OFD1: variants seen among roughly 807,000 people sequenced by gnomAD.
OFD1 encodes centriole and centriolar satellite protein OFD1.
OFD1 carries 12 observed loss-of-function variants against 81.4 expected under a neutral mutation model. That is an observed-to-expected ratio of 0.15 (90% CI 0.09 to 0.24). The LOEUF is 0.24. Among genes scored for constraint, OFD1 ranks in the 10% least tolerant of loss-of-function variants. OFD1 has a pLI of 1.00. For synonymous variants in OFD1, 256 were observed against 263.7 expected, an observed-to-expected ratio of 0.97 and a Z score of 0.28; for missense variants, 685 against 733.9, an observed-to-expected ratio of 0.93 and a Z score of 0.77.
intron 9 of OFD1, among the ~76,000 whole-genome samples, chrX:13,750,298 T>TAGTA (rs1174620550): frequency 1.8e-5 from 2 of 112,183 alleles, no homozygotes; most frequent in East Asian, 5.6e-4. Flanking sequence ...ATCATTCCTT[T>TAGTA]ACCTCCATTT....
rs1022012922 is a variant in OFD1, at chrX:13,761,489, C to A, written c.2387+278C>A. Among the ~76,000 whole-genome samples the A allele has an allele frequency of 3.6e-5, 4 of 111,708 alleles. No homozygotes were observed. The South Asian group carries it at 1.5e-3, about 41-fold the overall frequency. ...CAATCTGGTATTAATAAGCATCTTC[C>A]TAGTTCTGTGAATAGATTTGGTTTA... On this transcript the variant is annotated intron_variant, in intron 17 of 22. Transcript: ENST00000340096.
At position 13,767,794 on chromosome X, in the gene OFD1, T is replaced by C. The variant is rs1244048249; in HGVS notation, c.2758-260T>C. 1.3e-5 allele frequency: 4 copies of C among 313,576 alleles called. No individual in the cohort carries two copies. In the Admixed American group the frequency reaches 2.1e-4, roughly 16 times the overall value. 25.8% of individuals were successfully genotyped at this position (313,576 alleles called of 1,213,427 possible). ...CACACCTGCTAAGTCTTGCTTGAATTACTCTAACATATGAATGTTCCTTGG... is the reference window on the plus strand; with the variant it reads ...CACACCTGCTAAGTCTTGCTTGAATCACTCTAACATATGAATGTTCCTTGG... On this transcript the variant is annotated intron_variant, in intron 20 of 22. Coordinates refer to ENST00000340096, the MANE Select transcript of OFD1 (RefSeq NM_003611.3).
chrX:13,753,486 TAG>T (rs1283262470), intron 11 of OFD1, 45 bp downstream of exon 11: 5 of 1,156,327 alleles, frequency 4.3e-6, no homozygotes, highest in Non-Finnish European at 5.9e-6. Context: ...AGTTCTGCTG[TAG>T]GTTATTAGCT....
Position 13,763,863 on chromosome X carries a change from C to CT in OFD1, c.2599+15dup, listed in dbSNP as rs1177015889. 1 of 1,174,653 alleles carries CT rather than the reference C, an allele frequency of 8.5e-7. No individual in the cohort carries two copies. Among genetic ancestry groups the CT allele is most frequent in the Non-Finnish European group, 1.2e-6 (1 of 862,224 alleles). On this transcript the variant is annotated intron_variant, in intron 19 of 22. Coordinates refer to ENST00000340096, the MANE Select transcript of OFD1 (RefSeq NM_003611.3). Reference sequence around the variant, plus strand: ...TCTCATATCAGCACCCAAGTAAGTTCTTTTTTTGAACTAACAGTCAGCAGG... The same window carrying CT: ...TCTCATATCAGCACCCAAGTAAGTTCTTTTTTTTGAACTAACAGTCAGCAGG...
intron 5 of OFD1, chrX:13,739,295 GCA>G: frequency 1.2e-4 from 21 of 172,790 alleles, no homozygotes; most frequent in Middle Eastern, 1.9e-3. Context: ...GAATATTTCT[GCA>G]AAAAAAAAAA....
upstream of OFD1, among the ~76,000 whole-genome samples, chrX:13,730,627 T>C (rs976820565): frequency 2.7e-5 from 3 of 111,847 alleles, no homozygotes; most frequent in Admixed American, 1.9e-4. Context: ...CGTATGTTTA[T>C]TGTGGCACTA....
chrX:13,720,323 G>A, the OFD1 span: 1 of 127,646 alleles, frequency 7.8e-6, no homozygotes, highest in Non-Finnish European at 1.6e-5. Context: ...GGCTTCATTT[G>A]GACTGGACCA....
chrX:13,746,758 A>AT lies in OFD1; in HGVS notation c.655-16dup, dbSNP rs2146969503. On this transcript the variant is annotated intron_variant, in intron 7 of 22. Coordinates refer to ENST00000340096, the MANE Select transcript of OFD1 (RefSeq NM_003611.3). ...TATAGTATAATAGTTGGTATTTTTA[A>AT]TTTTTTGTGATCAATTTGCAGTTGA... is the stretch of plus-strand genomic sequence containing the variant. 6.1e-6 allele frequency: 7 copies of AT among 1,154,006 alleles called. No individual in the cohort carries two copies. The South Asian group carries it at 1.3e-4, about 21-fold the overall frequency.
At chrX:13,744,804 T>C (rs1354009502) in intron 6 of OFD1, among the ~76,000 whole-genome samples, 1 of 112,428 alleles carries the variant, frequency 8.9e-6, no homozygotes, top group Non-Finnish European at 1.9e-5. Flanking sequence ...AACTGGGAGG[T>C]TCTTCCTCGT....
the OFD1 span, among the ~76,000 whole-genome samples, chrX:13,717,399 C>T: frequency 4.5e-5 from 5 of 112,009 alleles, no homozygotes; most frequent in African/African-American, 9.7e-5. Flanking sequence ...AATGTGAAGA[C>T]GGAATTCAGA....
At chrX:13,734,612 A>G, upstream of OFD1, 1 of 760,004 alleles carries the variant, frequency 1.3e-6, no homozygotes, top group Non-Finnish European at 1.6e-6. Context: ...ACGCCGAAGC[A>G]GTTCTCGCGA....
rs760191069 is a variant in OFD1, at chrX:13,735,045, G to A, written c.-27G>A. Reference sequence around the variant, plus strand: ...CTCGGGCCGCGGCGGGGCGAGCGAGGCGGGCTCCGGAGGGAGCTGACGCCT... The same window carrying A: ...CTCGGGCCGCGGCGGGGCGAGCGAGACGGGCTCCGGAGGGAGCTGACGCCT... On this transcript the variant is annotated 5_prime_UTR_variant, in exon 1 of 23. Transcript: ENST00000340096. The A allele has an allele frequency of 2.5e-6, 3 of 1,185,014 alleles. No individual in the cohort carries two copies. Among genetic ancestry groups the A allele is most frequent in the Non-Finnish European group, 2.3e-6 (2 of 884,947 alleles).
At chrX:13,772,542 G>A (rs1217298463), downstream of OFD1, 1 of 164,222 alleles carries the variant, frequency 6.1e-6, no homozygotes, top group Non-Finnish European at 1.2e-5. Flanking sequence ...GGAGTCACAG[G>A]TCCCTATTAA....
At chrX:13,715,235 G>C in the OFD1 span, among the ~76,000 whole-genome samples, 1 of 113,067 alleles carries the variant, frequency 8.8e-6, no homozygotes, top group Non-Finnish European at 1.9e-5. Context: ...CACTTTGGGA[G>C]GCCAAGGCGG....
intron 10 of OFD1, among the ~76,000 whole-genome samples, chrX:13,752,268 G>A (rs937670772): frequency 8.9e-6 from 1 of 112,338 alleles, no homozygotes; most frequent in African/African-American, 3.2e-5. Flanking sequence ...TCAGTGCTAC[G>A]ACATTATGCC....
chrX:13,723,834 C>A, the OFD1 span, among the ~76,000 whole-genome samples: 1 of 111,038 alleles, frequency 9.0e-6, no homozygotes, highest in Non-Finnish European at 1.9e-5. Flanking sequence ...ACATCCTAAT[C>A]TCTGCAACTT....
chrX:13,717,034 TAAAAAAAAAAAAAAA>T, the OFD1 span, among the ~76,000 whole-genome samples: 27 of 37,942 alleles, frequency 7.1e-4, no homozygotes, highest in Non-Finnish European at 9.1e-4. Flanking sequence ...GATACTATGT[TAAAAAAAAAAAAAAA>T]AAAAAAAAAA....
chrX:13,758,534 TATTA>T (rs1195426136), intron 15 of OFD1, 86 bp downstream of exon 15: 3 of 536,338 alleles, frequency 5.6e-6, no homozygotes, highest in Admixed American at 3.1e-5. Flanking sequence ...ATTTATTGAA[TATTA>T]ATTATTGTTT....
rs978433681 is a variant in OFD1 at position 13,739,172 on chromosome X, A to G, written c.412+140A>G. The G allele has an allele frequency of 1.2e-5, 6 of 520,182 alleles. No homozygotes were observed. In the East Asian group the frequency reaches 1.8e-4, roughly 16 times the overall value. The allele number at this position is 520,182 out of a possible 1,213,427, so 42.9% of individuals were successfully genotyped here. A position where few individuals can be genotyped will look rare whatever the true frequency, so the allele number is the denominator to read the frequency against. ...TTGATTTCTGCAGGTCATTTCCCCT[A>G]TATTTCCATTTTTGTAATAACTTTT... On this transcript the variant is annotated intron_variant, in intron 5 of 22. Transcript: ENST00000340096.
Sources: allele counts gnomAD v4.1 joint callset (sites outside exome capture counted in the v4.1 genomes callset), GRCh38; gene constraint gnomAD v4.1.1; transcripts MANE v1.5; gene names NCBI Gene and HGNC (gene_info 2026-07-23, HGNC 2026-07-21).